The following POR variants were observed in gnomAD, a reference collection of about 807,000 sequenced individuals.
POR encodes NADPH--cytochrome P450 reductase.
POR carries 56 observed loss-of-function variants against 84.0 expected under a neutral mutation model. The observed-to-expected ratio is 0.67, with a 90% CI of 0.54 to 0.83. POR has a LOEUF of 0.83. Ranked by LOEUF, POR falls within the 40% of genes least tolerant of loss-of-function variation. The pLI, the probability that POR is intolerant of heterozygous loss-of-function variation, is 0.00. For missense variants in POR, 938 were observed against 944.3 expected, an observed-to-expected ratio of 0.99 and a Z score of 0.09; for synonymous variants, 414 against 400.5, an observed-to-expected ratio of 1.03 and a Z score of -0.40.
chr7:75,933,266 AC>A lies in POR; in HGVS notation c.-5+18089del, dbSNP rs370334198. Among the ~76,000 whole-genome samples, 970 of 151,670 alleles carry A rather than the reference AC, an allele frequency of 6.4e-3. 11 individuals are homozygous for A. Among genetic ancestry groups the A allele is most frequent in the African/African-American group, 0.022 (922 of 41,462 alleles). ...AATTGAGTTAATTAACATATGCATTACCTCACACCTTTTTTTGTGGTGAGAA... is the reference window on the plus strand; with the variant it reads ...AATTGAGTTAATTAACATATGCATTACTCACACCTTTTTTTGTGGTGAGAA... On this transcript the variant is annotated intron_variant, in intron 1 of 15. Coordinates refer to ENST00000461988, the MANE Select transcript of POR (RefSeq NM_000941.3).
At chr7:75,943,710 G>A (rs1787050720) in intron 1 of POR, 1 of 312,184 alleles carries the variant, frequency 3.2e-6, no homozygotes, top group Admixed American at 3.6e-5. Context: ...TTCAAACTTG[G>A]TATTGACTCC....
At chr7:75,936,880 G>C (rs1198780032) in intron 1 of POR, among the ~76,000 whole-genome samples, 1 of 143,534 alleles carries the variant, frequency 7.0e-6, no homozygotes, top group South Asian at 2.2e-4. Context: ...AGGCTGGAGT[G>C]CAGTGGCGCG....
At chr7:75,920,388 T>TC (rs1160923746) in intron 1 of POR, among the ~76,000 whole-genome samples, 6 of 152,228 alleles carry the variant, frequency 3.9e-5, no homozygotes, top group African/African-American at 1.2e-4. Context: ...ATTGAATTCT[T>TC]TAGGAGACAT....
intron 2 of POR, among the ~76,000 whole-genome samples, chr7:75,966,157 T>G (rs932656703): frequency 6.6e-6 from 1 of 152,204 alleles, no homozygotes; most frequent in African/African-American, 2.4e-5. Flanking sequence ...CTAGCCAGCA[T>G]GCAGTAGGCA....
chr7:75,949,167 G>GTTT (rs1554552442), intron 1 of POR, among the ~76,000 whole-genome samples: 1 of 151,654 alleles, frequency 6.6e-6, no homozygotes, highest in African/African-American at 2.4e-5. Flanking sequence ...TGTTGTTGTT[G>GTTT]TTTTTGAGAC....
intron 2 of POR, among the ~76,000 whole-genome samples, chr7:75,956,034 A>C (rs1787671754): frequency 6.6e-6 from 1 of 152,198 alleles, no homozygotes; most frequent in Admixed American, 6.5e-5. Context: ...ACAGCGGCTC[A>C]CGTCTGTAAT....
At chr7:75,943,858 A>G (rs556468749) in intron 1 of POR, 17 of 513,300 alleles carry the variant, frequency 3.3e-5, no homozygotes, top group South Asian at 2.3e-4. Flanking sequence ...AAATTGCAGG[A>G]AAGTCCAAAG....
At chr7:75,975,716 T>C (rs1788651196) in intron 3 of POR, among the ~76,000 whole-genome samples, 1 of 152,182 alleles carries the variant, frequency 6.6e-6, no homozygotes, top group South Asian at 2.1e-4. Context: ...ATGTTAGTAC[T>C]TCCTTTTTAT....
At chr7:75,958,750 C>T (rs1298729098) in intron 2 of POR, among the ~76,000 whole-genome samples, 1 of 152,020 alleles carries the variant, frequency 6.6e-6, no homozygotes, top group Non-Finnish European at 1.5e-5. Context: ...GAGGCTGAGG[C>T]ACAAAGATTG....
intron 2 of POR, among the ~76,000 whole-genome samples, chr7:75,961,403 G>GC (rs1328502030): frequency 6.6e-6 from 1 of 152,118 alleles, no homozygotes; most frequent in African/African-American, 2.4e-5. Context: ...TGACCCTCCA[G>GC]CCCGCTCAGG....
chr7:75,983,110 G>A (rs1046390109), intron 8 of POR, among the ~76,000 whole-genome samples: 32 of 152,224 alleles, frequency 2.1e-4, no homozygotes, highest in Admixed American at 2.0e-4. Flanking sequence ...GGAGGCCGAG[G>A]TGGGTGAATC....
chr7:75,928,954 T>C (rs941068028), intron 1 of POR, among the ~76,000 whole-genome samples: 2 of 152,064 alleles, frequency 1.3e-5, no homozygotes, highest in African/African-American at 4.8e-5. Context: ...GGTAACCTAG[T>C]GTACCTGTCT....
intron 1 of POR, among the ~76,000 whole-genome samples, chr7:75,949,544 C>T (rs1379715972): frequency 6.6e-6 from 1 of 151,652 alleles, no homozygotes; most frequent in Non-Finnish European, 1.5e-5. Flanking sequence ...TCACTCTGTT[C>T]TCCAGCACTC....
At chr7:75,934,122 AGT>A (rs58236447) in intron 1 of POR, among the ~76,000 whole-genome samples, 41,032 of 126,126 alleles carry the variant, frequency 0.33, 5,910 homozygotes, top group South Asian at 0.38. Context: ...AAGACCTCAG[AGT>A]GTGTGTGTGT....
At chr7:75,953,204 AGGC>A (rs1554553172) in intron 1 of POR, among the ~76,000 whole-genome samples, 11 of 151,578 alleles carry the variant, frequency 7.3e-5, no homozygotes, top group Admixed American at 1.3e-4. Context: ...CTGCAATCGC[AGGC>A]ACTCGGCAGG....
intron 2 of POR, among the ~76,000 whole-genome samples, chr7:75,957,021 C>G (rs369045803): frequency 6.6e-6 from 1 of 152,172 alleles, no homozygotes; most frequent in African/African-American, 2.4e-5. Context: ...CCACCACACC[C>G]GGCCACAGCG....
chr7:75,982,499 G>A (rs1410903887), intron 8 of POR, among the ~76,000 whole-genome samples, 177 bp downstream of exon 8: 3 of 152,158 alleles, frequency 2.0e-5, no homozygotes, highest in African/African-American at 7.2e-5. Context: ...ACTGGCACTC[G>A]CCCAGTTTGT....
chr7:75,953,644 G>A (rs189665587), intron 1 of POR, among the ~76,000 whole-genome samples: 3 of 152,294 alleles, frequency 2.0e-5, no homozygotes, highest in East Asian at 1.9e-4. Context: ...CCCCCCGTGC[G>A]GTGTCCTTGT....
intron 1 of POR, among the ~76,000 whole-genome samples, chr7:75,927,508 A>G (rs1807190699): frequency 6.6e-6 from 1 of 151,706 alleles, no homozygotes; most frequent in Non-Finnish European, 1.5e-5. Flanking sequence ...CCAGGTCAGG[A>G]GTGGGGAGTG....
Sources: allele counts gnomAD v4.1 joint callset (sites outside exome capture counted in the v4.1 genomes callset), GRCh38; gene constraint gnomAD v4.1.1; transcripts MANE v1.5; gene names NCBI Gene and HGNC (gene_info 2026-07-23, HGNC 2026-07-21).